TTLL3: variants seen among roughly 807,000 people sequenced by gnomAD.
TTLL3 encodes the protein tubulin monoglycylase TTLL3.
In TTLL3, 63 loss-of-function variants were observed where a neutral mutation model predicts 75.2. The observed-to-expected ratio is 0.84, with a 90% CI of 0.68 to 1.03. The LOEUF is 1.03. Among genes scored for constraint, TTLL3 ranks in the 50% least tolerant of loss-of-function variants. TTLL3 has a pLI of 0.00. For missense variants in TTLL3, 997 were observed against 1,069.9 expected (o/e 0.93, Z 0.95); for synonymous variants, 393 against 418.5 (o/e 0.94, Z 0.74).
chr3:9,827,794 C>T (rs2081186714), intron 10 of TTLL3: 1 of 139,774 alleles, frequency 7.2e-6, no homozygotes, highest in African/African-American at 2.7e-5. Context: ...GGCTTACATT[C>T]TAGCAGGGAG....
At chr3:9,817,535 A>G in intron 5 of TTLL3, 110 bp from the exon 6 acceptor site, 3 of 1,581,644 alleles carry the variant, frequency 1.9e-6, no homozygotes, top group Non-Finnish European at 2.6e-6. Context: ...AGACCTTGCA[A>G]GCGGGGCCAA....
Position 9,818,835 on chromosome 3 carries a change from G to A in TTLL3, c.573G>A (p.Leu191=). 4 of 1,614,106 alleles carry A rather than the reference G, an allele frequency of 2.5e-6. No individual in the cohort carries two copies. Among genetic ancestry groups the A allele is most frequent in the Non-Finnish European group, 3.4e-6 (4 of 1,179,996 alleles). The change falls in exon 7 of 14, where the codon CTG becomes CTA. Residue 191 remains leucine, a synonymous_variant. Coordinates refer to ENST00000685419, the MANE Select transcript of TTLL3 (RefSeq NM_001387446.1). ...GCCTGGGAGCAGAGGACTTCTGGCTGACTGCTGCCCGCAACGTTCTCAAGC... is the reference window on the plus strand; with the variant it reads ...GCCTGGGAGCAGAGGACTTCTGGCTAACTGCTGCCCGCAACGTTCTCAAGC... ...DKKAFIEDFW[L]TAARNVLKLV...
intron 8 of TTLL3, among the ~76,000 whole-genome samples, chr3:9,822,310 G>A (rs985010739): frequency 2.6e-5 from 4 of 151,178 alleles, no homozygotes; most frequent in Admixed American, 6.6e-5. Flanking sequence ...CTCGTGATCC[G>A]CCCTCCTCAG....
At chr3:9,824,480 G>A (rs999956294) in intron 8 of TTLL3, among the ~76,000 whole-genome samples, 3 of 152,156 alleles carry the variant, frequency 2.0e-5, no homozygotes, top group Admixed American at 6.5e-5. Flanking sequence ...GCGCGATCTC[G>A]GCTCACTACA....
chr3:9,824,128 A>G (rs765256220), intron 8 of TTLL3, among the ~76,000 whole-genome samples: 2 of 152,204 alleles, frequency 1.3e-5, no homozygotes, highest in Non-Finnish European at 2.9e-5. Context: ...CGGAGTTTAC[A>G]TTGTAGTTAG....
rs140081461 is a variant in TTLL3, at chr3:9,829,040, A to G, written c.1328A>G (p.Asn443Ser). Residue 443 changes from asparagine (N) to serine (S), a missense_variant, in exon 11 of 14, where the codon AAC (asparagine) becomes AGC (serine). Coordinates refer to ENST00000685419, the MANE Select transcript of TTLL3 (RefSeq NM_001387446.1). ...CHRHPLLPPD[N>S]MWSSQRFQAH... is the part of the protein sequence containing the mutation. Reference sequence around the variant, plus strand: ...CGGCATCCACTGCTTCCGCCAGACAACATGTGGTCTAGCCAGAGGTTCCAG... The same window carrying G: ...CGGCATCCACTGCTTCCGCCAGACAGCATGTGGTCTAGCCAGAGGTTCCAG... The G allele has an allele frequency of 6.2e-7, 1 of 1,614,102 alleles. No homozygotes were observed. Among genetic ancestry groups the G allele is most frequent in the African/African-American group, 1.3e-5 (1 of 74,942 alleles).
chr3:9,829,585 C>T (rs1028954857), intron 11 of TTLL3, among the ~76,000 whole-genome samples, 190 bp downstream of exon 11: 1 of 152,152 alleles, frequency 6.6e-6, no homozygotes, highest in Non-Finnish European at 1.5e-5. Context: ...TTATTACCAT[C>T]TTTCTCATGG....
At chr3:9,813,864 C>A (rs115267208) in intron 4 of TTLL3, among the ~76,000 whole-genome samples, 1,545 of 152,184 alleles carry the variant, frequency 0.01, 11 homozygotes, top group Non-Finnish European at 0.016. Context: ...CCCATCTGGC[C>A]TGGGATTCAG....
intron 11 of TTLL3, among the ~76,000 whole-genome samples, chr3:9,830,597 C>A (rs1470143241): frequency 6.6e-6 from 1 of 151,910 alleles, no homozygotes; most frequent in Non-Finnish European, 1.5e-5. Flanking sequence ...AAAATGTAAA[C>A]GGGGAAATAC....
intron 12 of TTLL3, 80 bp downstream of exon 12, chr3:9,833,325 G>A (rs1197884025): frequency 3.2e-6 from 5 of 1,576,594 alleles, no homozygotes; most frequent in African/African-American, 2.7e-5. Flanking sequence ...ACAGTGAGAA[G>A]CCAGTCTCCA....
In TTLL3 at chr3:9,833,060, G is replaced by A. The variant is rs780543438; in HGVS notation, c.1684-44G>A. 10 of 1,610,680 alleles carry A rather than the reference G, an allele frequency of 6.2e-6. No individual in the cohort carries two copies. In the Admixed American group the frequency reaches 1.2e-4, roughly 19 times the overall value. ...GGGTCCCGCTGGGCCAAGGATTCCA[G>A]TACCACTGACTGAGTGGGCCTTGTC... On this transcript the variant is annotated intron_variant, in intron 11 of 13. Transcript: ENST00000685419.
At chr3:9,819,398 A>T in intron 7 of TTLL3, 3 of 529,768 alleles carry the variant, frequency 5.7e-6, no homozygotes, top group Non-Finnish European at 7.3e-6. Flanking sequence ...TCCGTTTGTT[A>T]GTTGATCCAC....
intron 5 of TTLL3, among the ~76,000 whole-genome samples, chr3:9,816,875 C>T (rs1292406979): frequency 6.6e-6 from 1 of 152,108 alleles, no homozygotes; most frequent in African/African-American, 2.4e-5. Context: ...ACCAGTAAGG[C>T]CCATCTTCTG....
At position 9,813,258 on chromosome 3, in the gene TTLL3, T is replaced by C. The variant is rs1421923358; in HGVS notation, c.228T>C (p.Asp76=). ...DSDTTEDEDE[D]EDEEFQPSQL... Reference sequence around the variant, plus strand: ...GCTCTGCATCCACAGAGGATGAAGATGAGGACGAGGAGTTCCAGCCATCAC... The same window carrying C: ...GCTCTGCATCCACAGAGGATGAAGACGAGGACGAGGAGTTCCAGCCATCAC... The change falls in exon 4 of 14, where the codon GAT becomes GAC. Residue 76 remains aspartate, a synonymous_variant. Coordinates refer to ENST00000685419, the MANE Select transcript of TTLL3 (RefSeq NM_001387446.1). The C allele has an allele frequency of 3.1e-6, 5 of 1,614,208 alleles. No homozygotes were observed. The highest frequency in any genetic ancestry group is 4.2e-6 in the Non-Finnish European group (5 of 1,180,030).
chr3:9,829,129 G>C lies in TTLL3; in HGVS notation c.1417G>C (p.Asp473His), dbSNP rs1273402056. ...CACCATCATCGTGCCTGGCATGAAG[G>C]ATGCTGTGATCCACGCACTTCAGAC... is the stretch of plus-strand genomic sequence containing the variant. ...WSTIIVPGMKDAVIHALQTSQ... is the reference protein window; with the variant it reads ...WSTIIVPGMKHAVIHALQTSQ... Residue 473 changes from aspartate to histidine, a missense_variant, in exon 11 of 14, where the codon GAT (aspartate) becomes CAT (histidine). By Grantham distance (81) the Asp-to-His change is moderately conservative. Transcript: ENST00000685419. 6.2e-7 allele frequency: 1 copy of C among 1,614,242 alleles called. No individual in the cohort carries two copies. Among genetic ancestry groups the C allele is most frequent in the Admixed American group, 1.7e-5 (1 of 60,030 alleles).
At chr3:9,834,225 G>C in intron 12 of TTLL3, 1 of 364,140 alleles carries the variant, frequency 2.7e-6, no homozygotes, top group South Asian at 2.0e-5. Context: ...AAAGATGCCA[G>C]GACTTAAGCC....
intron 7 of TTLL3, 74 bp downstream of exon 7, chr3:9,818,994 T>A: frequency 6.3e-7 from 1 of 1,592,514 alleles, no homozygotes; most frequent in East Asian, 2.2e-5. Flanking sequence ...TATCTGCCCT[T>A]CTACCTATCT....
At chr3:9,833,371 G>A (rs1426831822) in intron 12 of TTLL3, 126 bp downstream of exon 12, 1 of 1,466,788 alleles carries the variant, frequency 6.8e-7, no homozygotes, top group Non-Finnish European at 9.2e-7. Context: ...GGGGAAGAAA[G>A]GCAAGGCGAA....
At chr3:9,833,743 G>T (rs934072996) in intron 12 of TTLL3, among the ~76,000 whole-genome samples, 2 of 152,122 alleles carry the variant, frequency 1.3e-5, no homozygotes, top group African/African-American at 4.8e-5. Flanking sequence ...TACTCGCGAG[G>T]CTAATGAGGA....
Sources: allele counts gnomAD v4.1 joint callset (sites outside exome capture counted in the v4.1 genomes callset), GRCh38; gene constraint gnomAD v4.1.1; transcripts MANE v1.5; gene names NCBI Gene and HGNC (gene_info 2026-07-23, HGNC 2026-07-21).